The following CDH20 variants were observed in gnomAD, a reference collection of about 807,000 sequenced individuals.
CDH20 encodes cadherin 20.
In CDH20, 29 loss-of-function variants were observed where a neutral mutation model predicts 74.2. That is an observed-to-expected ratio of 0.39 (90% CI 0.29 to 0.53). CDH20 has a LOEUF of 0.53. Ranked by LOEUF, CDH20 falls within the 20% of genes least tolerant of loss-of-function variation. The pLI is 0.69. For synonymous variants in CDH20, 469 were observed against 405.4 expected (o/e 1.16, Z -1.88); for missense variants, 988 against 1,048.3 (o/e 0.94, Z 0.79).
chr18:61,550,986 G>T (rs1157563950), intron 11 of CDH20, among the ~76,000 whole-genome samples: 1 of 152,170 alleles, frequency 6.6e-6, no homozygotes, highest in Non-Finnish European at 1.5e-5. Context: ...ATCTAACCAG[G>T]AACAGTGACT....
intron 2 of CDH20, among the ~76,000 whole-genome samples, chr18:61,498,457 A>T (rs1599127538): frequency 1.3e-5 from 2 of 151,960 alleles, no homozygotes; most frequent in Admixed American, 1.3e-4. Flanking sequence ...GCATGGTCAG[A>T]TAAAAGCATG....
chr18:61,359,357 G>C (rs898098631), intron 1 of CDH20, among the ~76,000 whole-genome samples: 17 of 150,000 alleles, frequency 1.1e-4, no homozygotes, highest in African/African-American at 4.2e-4. Context: ...TTCTGCTGCA[G>C]GGACAAAAAG....
At chr18:61,399,949 T>C (rs1912103718) in intron 1 of CDH20, among the ~76,000 whole-genome samples, 2 of 152,248 alleles carry the variant, frequency 1.3e-5, no homozygotes, top group African/African-American at 2.4e-5. Flanking sequence ...CCCCTTTCAG[T>C]TCTTAATTAT....
At chr18:61,371,121 A>G (rs1568114297) in intron 1 of CDH20, among the ~76,000 whole-genome samples, 1 of 152,124 alleles carries the variant, frequency 6.6e-6, no homozygotes, top group African/African-American at 2.4e-5. Flanking sequence ...TAAAAGAGAG[A>G]TTATCTTCCC....
At chr18:61,511,542 T>A (rs1176696550) in intron 6 of CDH20, among the ~76,000 whole-genome samples, 1 of 152,146 alleles carries the variant, frequency 6.6e-6, no homozygotes, top group African/African-American at 2.4e-5. Context: ...GAAAAAGAAC[T>A]TTTGGGATTC....
chr18:61,457,691 G>A (rs1471395360), intron 1 of CDH20, among the ~76,000 whole-genome samples: 1 of 152,076 alleles, frequency 6.6e-6, no homozygotes, highest in East Asian at 1.9e-4. Flanking sequence ...ATGTTTGGAG[G>A]TTTTCCCTAT....
chr18:61,524,095 A>G (rs1274641821), intron 6 of CDH20, among the ~76,000 whole-genome samples: 1 of 152,110 alleles, frequency 6.6e-6, no homozygotes, highest in Non-Finnish European at 1.5e-5. Flanking sequence ...TGTTAAGAGA[A>G]TGAAAAGACA....
intron 1 of CDH20, among the ~76,000 whole-genome samples, chr18:61,448,997 T>C (rs1909289983): frequency 6.6e-6 from 1 of 152,174 alleles, no homozygotes; most frequent in South Asian, 2.1e-4. Flanking sequence ...AACACCCGAC[T>C]CCAGGTACTT....
chr18:61,532,159 G>A (rs116029589), intron 7 of CDH20, among the ~76,000 whole-genome samples: 1,692 of 152,188 alleles, frequency 0.011, 32 homozygotes, highest in African/African-American at 0.038. Flanking sequence ...GACCTAACCT[G>A]TCTACTCCTC....
In CDH20 at chr18:61,538,608, G is replaced by GTTTTTTTTTT. The variant is rs1449356386; in HGVS notation, c.1409-411_1409-410insTTTTTTTTTT. On this transcript the variant is annotated intron_variant, in intron 8 of 11. Transcript: ENST00000262717. The stretch of plus-strand genomic sequence containing the variant: ...TGTTTGTTTGTTTGTTTTTGTTTTT[G>GTTTTTTTTTT]TTTTTGTTTTTGTTTTGTTTTTTTT... Among the ~76,000 whole-genome samples, 30 of 36,312 alleles carry GTTTTTTTTTT rather than the reference G, an allele frequency of 8.3e-4. 5 individuals are homozygous for GTTTTTTTTTT. Among genetic ancestry groups the GTTTTTTTTTT allele is most frequent in the Non-Finnish European group, 1.1e-3 (18 of 16,564 alleles). 23.8% of individuals were successfully genotyped at this position (36,312 alleles called of 152,430 possible). A position where few individuals can be genotyped will look rare whatever the true frequency, so the allele number is the denominator to read the frequency against.
chr18:61,464,356 T>C (rs1473224882), intron 1 of CDH20, among the ~76,000 whole-genome samples: 3 of 152,138 alleles, frequency 2.0e-5, no homozygotes, highest in Non-Finnish European at 4.4e-5. Flanking sequence ...TCTTATTATT[T>C]TTCCTGTCCA....
chr18:61,455,391 C>G (rs918871575), intron 1 of CDH20, among the ~76,000 whole-genome samples: 1 of 152,094 alleles, frequency 6.6e-6, no homozygotes. Context: ...GTTTGTAAGA[C>G]AAAAGATTCC....
At chr18:61,375,823 A>G (rs559796486) in intron 1 of CDH20, among the ~76,000 whole-genome samples, 115 of 152,214 alleles carry the variant, frequency 7.6e-4, no homozygotes, top group Non-Finnish European at 1.2e-3. Context: ...CAACCATTTC[A>G]CTACTACTGT....
Position 61,400,776 on chromosome 18 carries a change from G to A in CDH20, c.-153+66949G>A, listed in dbSNP as rs149475060. ...TAGTGTTAGGAAGTTATTCATCTTG[G>A]ACCATATAATAAAGGCTATCTTGGA... On this transcript the variant is annotated intron_variant, in intron 1 of 11. Transcript: ENST00000262717. Among the ~76,000 whole-genome samples, 439 of 152,254 alleles carry A rather than the reference G, an allele frequency of 2.9e-3. 2 individuals are homozygous for A. Among genetic ancestry groups the A allele is most frequent in the African/African-American group, 1.0e-2 (415 of 41,550 alleles).
intron 1 of CDH20, among the ~76,000 whole-genome samples, chr18:61,379,036 T>C (rs1391124912): frequency 6.6e-6 from 1 of 152,142 alleles, no homozygotes; most frequent in Admixed American, 6.5e-5. Context: ...ATAAATATGA[T>C]ATAAAAATAA....
intron 1 of CDH20, among the ~76,000 whole-genome samples, chr18:61,359,309 GA>G (rs1476646338): frequency 5.3e-5 from 8 of 150,792 alleles, no homozygotes; most frequent in Non-Finnish European, 8.8e-5. Flanking sequence ...ATCTTCTAAA[GA>G]TTTTTTTGGC....
chr18:61,528,245 C>T (rs1005767762), intron 7 of CDH20, 25 bp downstream of exon 7: 1 of 1,608,968 alleles, frequency 6.2e-7, no homozygotes, highest in Non-Finnish European at 8.5e-7. Context: ...TTCACCTTTT[C>T]CTTATATGCT....
Position 61,555,381 on chromosome 18 carries a change from A to G in CDH20, c.*686A>G, listed in dbSNP as rs1057440907. The G allele has an allele frequency of 4.8e-5, 47 of 985,388 alleles. No individual in the cohort carries two copies. Among genetic ancestry groups the G allele is most frequent in the Non-Finnish European group, 5.7e-5 (47 of 829,994 alleles). 61.0% of individuals were successfully genotyped at this position (985,388 alleles called of 1,614,324 possible). ...CATTACAGCTCATCCAACGCCATCA[A>G]GTTAGAGTGCTCGTGTCTCCTCTCA... On this transcript the variant is annotated 3_prime_UTR_variant, in exon 12 of 12. Coordinates refer to ENST00000262717, the MANE Select transcript of CDH20 (RefSeq NM_031891.4).
At chr18:61,441,565 A>C (rs890508301) in intron 1 of CDH20, among the ~76,000 whole-genome samples, 2 of 152,158 alleles carry the variant, frequency 1.3e-5, no homozygotes, top group Admixed American at 6.5e-5. Context: ...ATTATATTGA[A>C]GATAGTAAGA....
Sources: gnomAD v4.1 joint callset for allele counts (sites outside exome capture counted in the v4.1 genomes callset) on GRCh38, gnomAD v4.1.1 for gene constraint, MANE v1.5 for transcripts, NCBI Gene and HGNC (gene_info 2026-07-23, HGNC 2026-07-21) for gene names.